NHS: variants seen among roughly 807,000 people sequenced by gnomAD.
The protein encoded by NHS is actin remodeling regulator NHS.
NHS carries 5 observed loss-of-function variants against 72.5 expected under a neutral mutation model. That is an observed-to-expected ratio of 0.07 (90% confidence interval 0.04 to 0.14). The LOEUF is 0.14. Ranked by LOEUF, NHS falls within the 10% of genes least tolerant of loss-of-function variation. The probability of loss-of-function intolerance (pLI) is 1.00; values close to 1 mark genes in which losing one functional copy is unlikely to be tolerated. For synonymous variants in NHS, 464 were observed against 547.7 expected (o/e 0.85, Z 2.13); for missense variants, 1,072 against 1,355.7 (o/e 0.79, Z 3.29).
At chrX:17,597,047 G>C in intron 1 of NHS, among the ~76,000 whole-genome samples, 1 of 111,020 alleles carries the variant, frequency 9.0e-6, no homozygotes, top group Non-Finnish European at 1.9e-5. Context: ...AAGGTGTAAA[G>C]GGAAATGTTT....
In NHS at chrX:17,692,557, G is replaced by C. The variant is rs935060004; in HGVS notation, c.852+89G>C. On this transcript the variant is annotated intron_variant, in intron 3 of 8. Transcript: ENST00000676302. ...GTCAGTTTCCTGCCTCCCAGTGAGA[G>C]AGGCTGGGCTGGCTAAGAGCTCAAA... 4 of 1,115,571 alleles carry C rather than the reference G, an allele frequency of 3.6e-6. No homozygotes were observed. The African/African-American group carries it at 7.2e-5, about 20-fold the overall frequency. 91.9% of individuals were successfully genotyped at this position (1,115,571 alleles called of 1,213,427 possible). A position where few individuals can be genotyped will look rare whatever the true frequency, so the allele number is the denominator to read the frequency against.
intron 1 of NHS, among the ~76,000 whole-genome samples, chrX:17,463,682 G>A (rs1237618145): frequency 9.0e-6 from 1 of 111,711 alleles, no homozygotes; most frequent in Non-Finnish European, 1.9e-5. Flanking sequence ...AATCACTGGC[G>A]AGAGGCAGAT....
chrX:17,528,661 C>G (rs2065184243), intron 1 of NHS: 1 of 111,644 alleles, frequency 9.0e-6, no homozygotes, highest in African/African-American at 3.3e-5. Flanking sequence ...GCTAACTCAC[C>G]CCTTCTTCAA....
At chrX:17,534,290 C>T (rs138786763) in intron 1 of NHS, among the ~76,000 whole-genome samples, 465 of 111,947 alleles carry the variant, frequency 4.2e-3, no homozygotes, top group Admixed American at 8.0e-3. Context: ...GAGAATGCCT[C>T]CTGAAGAAGA....
At chrX:17,504,146 T>C (rs1282617486) in intron 1 of NHS, among the ~76,000 whole-genome samples, 4 of 112,234 alleles carry the variant, frequency 3.6e-5, no homozygotes, top group Non-Finnish European at 7.5e-5. Context: ...TTGAGCAGCA[T>C]TTTATTAGCA....
chrX:17,506,261 G>A (rs2146927479), intron 1 of NHS, among the ~76,000 whole-genome samples: 1 of 111,048 alleles, frequency 9.0e-6, no homozygotes, highest in South Asian at 3.8e-4. Context: ...GGGTGCGGTG[G>A]CTCACGTCTG....
At chrX:17,590,547 C>T (rs1268626047) in intron 1 of NHS, among the ~76,000 whole-genome samples, 2 of 111,466 alleles carry the variant, frequency 1.8e-5, no homozygotes, top group Non-Finnish European at 3.8e-5. Context: ...AGTATAGTCC[C>T]AGTTTTATAA....
chrX:17,638,847 A>T (rs762988086), intron 1 of NHS, among the ~76,000 whole-genome samples: 1 of 111,659 alleles, frequency 9.0e-6, no homozygotes, highest in Non-Finnish European at 1.9e-5. Flanking sequence ...CTCCATTTGC[A>T]TGTCTTGGGC....
chrX:17,532,811 A>T (rs1333902714), intron 1 of NHS, among the ~76,000 whole-genome samples: 2 of 111,538 alleles, frequency 1.8e-5, no homozygotes, highest in Non-Finnish European at 3.8e-5. Flanking sequence ...CTGGGTTCAA[A>T]CCCTGGCCCG....
intron 1 of NHS, among the ~76,000 whole-genome samples, chrX:17,419,554 A>G (rs113547161): frequency 0.014 from 1,611 of 111,270 alleles, 33 homozygotes; most frequent in African/African-American, 0.049. Context: ...TTTATGTAAT[A>G]TTGCTTAAAC....
chrX:17,634,924 G>A (rs1241947478), intron 1 of NHS, among the ~76,000 whole-genome samples: 4 of 111,794 alleles, frequency 3.6e-5, no homozygotes, highest in Non-Finnish European at 7.5e-5. Flanking sequence ...AGAATGGGTG[G>A]CAACCTGGGG....
rs1458994757 is a variant in NHS, at chrX:17,733,192, C to A, written c.*728C>A. On this transcript the variant is annotated 3_prime_UTR_variant, in exon 9 of 9. Transcript: ENST00000676302. The stretch of plus-strand genomic sequence containing the variant: ...TATGAATAAATTAAAATAATGAATT[C>A]AGATCTAATCATTTTTATGACAAAT... 1 of 112,457 alleles carries A rather than the reference C, an allele frequency of 8.9e-6. No individual in the cohort carries two copies. The highest frequency in any genetic ancestry group is 1.9e-5 in the Non-Finnish European group (1 of 53,329). 9.3% of individuals were successfully genotyped at this position (112,457 alleles called of 1,213,427 possible). A position where few individuals can be genotyped will look rare whatever the true frequency, so the allele number is the denominator to read the frequency against.
intron 1 of NHS, among the ~76,000 whole-genome samples, chrX:17,538,414 C>G (rs988757101): frequency 4.5e-5 from 5 of 111,664 alleles, no homozygotes; most frequent in African/African-American, 1.3e-4. Flanking sequence ...CATAGGTGCA[C>G]TAAAGAGTAG....
chrX:17,515,428 G>C (rs934984336), intron 1 of NHS, among the ~76,000 whole-genome samples: 2 of 112,018 alleles, frequency 1.8e-5, no homozygotes, highest in Non-Finnish European at 3.8e-5. Context: ...TATATACCAA[G>C]GAATATTTAT....
intron 1 of NHS, among the ~76,000 whole-genome samples, chrX:17,589,947 T>C (rs1022628722): frequency 3.3e-4 from 37 of 112,184 alleles, no homozygotes; most frequent in African/African-American, 1.1e-3. Context: ...ATGTTGAGCA[T>C]TTTTTTCATG....
chrX:17,635,243 T>C, intron 1 of NHS: 1 of 969,279 alleles, frequency 1.0e-6, no homozygotes, highest in South Asian at 2.9e-5. Flanking sequence ...AAAAGGAAAG[T>C]GCTAAGCCCC....
intron 1 of NHS, among the ~76,000 whole-genome samples, chrX:17,612,273 G>A (rs780903889): frequency 1.9e-5 from 2 of 107,883 alleles, no homozygotes; most frequent in Admixed American, 1.0e-4. Context: ...AGACAAACAC[G>A]ATCTTCTGGC....
At chrX:17,536,741 C>G (rs909930320) in intron 1 of NHS, among the ~76,000 whole-genome samples, 2 of 112,527 alleles carry the variant, frequency 1.8e-5, no homozygotes, top group African/African-American at 3.2e-5. Flanking sequence ...ATGCCACACA[C>G]CTAACCACTG....
intron 1 of NHS, among the ~76,000 whole-genome samples, chrX:17,484,543 C>A (rs1352249920): frequency 9.0e-6 from 1 of 110,852 alleles, no homozygotes; most frequent in Non-Finnish European, 1.9e-5. Context: ...CAACTGTGGA[C>A]AAGAGTCTTA....
Sources: gnomAD v4.1 joint callset for allele counts (sites outside exome capture counted in the v4.1 genomes callset) on GRCh38, gnomAD v4.1.1 for gene constraint, MANE v1.5 for transcripts, NCBI Gene and HGNC (gene_info 2026-07-23, HGNC 2026-07-21) for gene names.